The following EPHA6 variants were observed in gnomAD, a reference collection of about 807,000 sequenced individuals.
EPHA6 encodes ephrin type-A receptor 6.
A neutral mutation model predicts 112.0 loss-of-function variants in EPHA6; 50 were observed. That is an observed-to-expected ratio of 0.45 (90% CI 0.36 to 0.56). The LOEUF (loss-of-function observed/expected upper bound fraction) is 0.56. EPHA6 is among the 20% of genes least tolerant of loss of function. The pLI, the probability that EPHA6 is intolerant of heterozygous loss-of-function variation, is 0.00. For missense variants in EPHA6, 1,280 were observed against 1,417.4 expected (o/e 0.90, Z 1.56); for synonymous variants, 529 against 490.7 (o/e 1.08, Z -1.03).
At chr3:97,554,212 A>G (rs1428101372) in intron 11 of EPHA6, among the ~76,000 whole-genome samples, 2 of 152,130 alleles carry the variant, frequency 1.3e-5, no homozygotes, top group Non-Finnish European at 2.9e-5. Flanking sequence ...GTGAAAATAC[A>G]TCATAAACCT....
At chr3:97,611,542 A>G (rs978213107) in intron 13 of EPHA6, among the ~76,000 whole-genome samples, 5 of 151,928 alleles carry the variant, frequency 3.3e-5, no homozygotes, top group African/African-American at 9.7e-5. Flanking sequence ...AAAAAGCATC[A>G]TGTGCTATGA....
intron 5 of EPHA6, among the ~76,000 whole-genome samples, chr3:97,393,595 G>A (rs935599377): frequency 4.0e-5 from 6 of 151,756 alleles, no homozygotes; most frequent in African/African-American, 7.3e-5. Flanking sequence ...GATAGTGAGA[G>A]TTTTCTGTGC....
chr3:97,572,154 T>C (rs2093339808), intron 11 of EPHA6, among the ~76,000 whole-genome samples: 1 of 148,168 alleles, frequency 6.7e-6, no homozygotes, highest in South Asian at 2.2e-4. Flanking sequence ...TTCCTTTTTT[T>C]TTTTTTTTTT....
chr3:97,674,672 C>T (rs970399384), intron 14 of EPHA6, among the ~76,000 whole-genome samples: 1 of 152,098 alleles, frequency 6.6e-6, no homozygotes, highest in African/African-American at 2.4e-5. Context: ...CTTTAGGAAA[C>T]GGTTATTTGA....
chr3:97,735,556 T>C (rs2035217235), intron 15 of EPHA6, among the ~76,000 whole-genome samples: 1 of 152,038 alleles, frequency 6.6e-6, no homozygotes, highest in Admixed American at 6.6e-5. Context: ...CTTAAGACAT[T>C]TGTTATATGT....
intron 3 of EPHA6, among the ~76,000 whole-genome samples, chr3:96,998,558 A>G (rs144580725): frequency 3.3e-4 from 50 of 152,024 alleles, no homozygotes; most frequent in African/African-American, 1.1e-3. Context: ...TTTTTCTTCA[A>G]CATTCTGAAA....
intron 3 of EPHA6, among the ~76,000 whole-genome samples, chr3:97,041,138 G>C (rs1314178671): frequency 2.0e-5 from 3 of 152,076 alleles, no homozygotes; most frequent in African/African-American, 7.2e-5. Context: ...AACAGTCCTA[G>C]TCAAAAACAA....
chr3:96,988,551 T>G (rs1342495981), intron 3 of EPHA6, among the ~76,000 whole-genome samples: 1 of 152,186 alleles, frequency 6.6e-6, no homozygotes, highest in Non-Finnish European at 1.5e-5. Flanking sequence ...TGAATTGTAC[T>G]TAAATAGAAT....
At chr3:97,411,536 T>C (rs2087718034) in intron 6 of EPHA6, among the ~76,000 whole-genome samples, 2 of 152,112 alleles carry the variant, frequency 1.3e-5, no homozygotes, top group African/African-American at 4.8e-5. Context: ...AAGCTGCATT[T>C]AGTGTATTAA....
chr3:97,544,807 G>GGTTTA (rs1384846444), intron 11 of EPHA6, among the ~76,000 whole-genome samples: 1 of 151,958 alleles, frequency 6.6e-6, no homozygotes, highest in African/African-American at 2.4e-5. Context: ...ACTTCTTCCT[G>GGTTTA]GTTTAGTCTT....
intron 5 of EPHA6, among the ~76,000 whole-genome samples, chr3:97,283,772 T>A (rs1217585343): frequency 1.3e-5 from 2 of 152,092 alleles, no homozygotes; most frequent in African/African-American, 4.8e-5. Context: ...TTAAAATAAA[T>A]AATAATAATG....
intron 3 of EPHA6, among the ~76,000 whole-genome samples, chr3:97,068,534 G>T (rs2046252260): frequency 6.6e-6 from 1 of 151,988 alleles, no homozygotes; most frequent in African/African-American, 2.4e-5. Context: ...ATGAGTATAT[G>T]CATTCCCACT....
chr3:96,958,970 C>T (rs753071363), intron 2 of EPHA6, among the ~76,000 whole-genome samples: 7 of 152,158 alleles, frequency 4.6e-5, no homozygotes, highest in Non-Finnish European at 1.0e-4. Flanking sequence ...CCGCTGTGAA[C>T]ATTCATGTAC....
intron 3 of EPHA6, among the ~76,000 whole-genome samples, chr3:97,186,360 A>G (rs928685397): frequency 6.6e-6 from 1 of 152,242 alleles, no homozygotes; most frequent in Non-Finnish European, 1.5e-5. Flanking sequence ...AGTACAGCTC[A>G]TAACTCTCAA....
intron 3 of EPHA6, among the ~76,000 whole-genome samples, chr3:97,211,992 A>T (rs548177477): frequency 1.3e-5 from 2 of 152,318 alleles, no homozygotes; most frequent in South Asian, 4.1e-4. Flanking sequence ...TATTATTACT[A>T]ATATATCTTA....
At chr3:97,636,942 A>G (rs933636092) in intron 13 of EPHA6, among the ~76,000 whole-genome samples, 2 of 152,196 alleles carry the variant, frequency 1.3e-5, no homozygotes, top group African/African-American at 4.8e-5. Flanking sequence ...CAATCTCCGA[A>G]TAACTAGGTA....
At chr3:97,179,370 C>T (rs936833979) in intron 3 of EPHA6, among the ~76,000 whole-genome samples, 10 of 152,020 alleles carry the variant, frequency 6.6e-5, no homozygotes, top group African/African-American at 2.4e-4. Context: ...CTCTCAGGTG[C>T]CTTATTTAAT....
intron 3 of EPHA6, among the ~76,000 whole-genome samples, chr3:97,206,873 TA>T (rs1431637562): frequency 6.6e-6 from 1 of 152,126 alleles, no homozygotes; most frequent in East Asian, 1.9e-4. Context: ...AATGCAGTAT[TA>T]GCCAAACAGT....
At chr3:96,881,301 TA>T (rs1263688271) in intron 2 of EPHA6, among the ~76,000 whole-genome samples, 1 of 152,196 alleles carries the variant, frequency 6.6e-6, no homozygotes, top group Non-Finnish European at 1.5e-5. Flanking sequence ...AAAATAGGTT[TA>T]TTGTAGTCAA....
Sources: allele counts gnomAD v4.1 joint callset (sites outside exome capture counted in the v4.1 genomes callset), GRCh38; gene constraint gnomAD v4.1.1; transcripts MANE v1.5; gene names NCBI Gene and HGNC (gene_info 2026-07-23, HGNC 2026-07-21).